EPB41L4B: variants seen among roughly 807,000 people sequenced by gnomAD.
EPB41L4B encodes erythrocyte membrane protein band 4.1 like 4B, also known as band 4.1-like protein 4B.
Under a neutral mutation model 112.5 loss-of-function variants are expected in EPB41L4B, and 30 were observed. The observed-to-expected ratio is 0.27, with a 90% CI of 0.20 to 0.36. EPB41L4B has a LOEUF of 0.36. Ranked by LOEUF, EPB41L4B falls within the 10% of genes least tolerant of loss-of-function variation. EPB41L4B has a pLI of 1.00. For synonymous variants in EPB41L4B, 408 were observed against 439.7 expected (o/e 0.93, Z 0.90); for missense variants, 1,024 against 1,133.3 (o/e 0.90, Z 1.38).
intron 18 of EPB41L4B, among the ~76,000 whole-genome samples, chr9:109,206,502 T>C (rs984660174): frequency 1.3e-5 from 2 of 152,198 alleles, no homozygotes; most frequent in African/African-American, 4.8e-5. Context: ...TAGTTATATA[T>C]TTTTCTAATG....
At chr9:109,193,814 G>T (rs147326803) in intron 21 of EPB41L4B, among the ~76,000 whole-genome samples, 1 of 152,212 alleles carries the variant, frequency 6.6e-6, no homozygotes, top group South Asian at 2.1e-4. Context: ...TACTAACACC[G>T]GCTATATGAC....
intron 2 of EPB41L4B, among the ~76,000 whole-genome samples, chr9:109,277,811 G>A (rs1290092370): frequency 6.6e-6 from 1 of 152,162 alleles, no homozygotes; most frequent in African/African-American, 2.4e-5. Context: ...GACCGCTGTG[G>A]GCCAAGCCCA....
intron 15 of EPB41L4B, among the ~76,000 whole-genome samples, chr9:109,234,957 C>G (rs976783295): frequency 2.6e-5 from 4 of 152,230 alleles, no homozygotes; most frequent in Non-Finnish European, 5.9e-5. Flanking sequence ...TTAAAATCTT[C>G]CTCCAATTCG....
chr9:109,248,298 C>T (rs574294926), intron 13 of EPB41L4B, among the ~76,000 whole-genome samples: 1 of 152,342 alleles, frequency 6.6e-6, no homozygotes, highest in East Asian at 1.9e-4. Flanking sequence ...TGTCAATAAT[C>T]TGGCCACCAC....
rs540963103 is a variant in EPB41L4B at position 109,220,728 on chromosome 9, C to T, written c.1410-3583G>A. ...GCCTCCTGGAGACTTTGCTCAAGGA[C>T]GGTTCTGTGTGTGTGCGTGTGTGCA... On this transcript the variant is annotated intron_variant, in intron 15 of 25. Transcript: ENST00000374566. Among the ~76,000 whole-genome samples the T allele has an allele frequency of 5.3e-5, 8 of 152,108 alleles. No individual in the cohort carries two copies. In the South Asian group the frequency reaches 8.3e-4, roughly 16 times the overall value.
At chr9:109,181,985 G>A (rs1452731815) in intron 24 of EPB41L4B, among the ~76,000 whole-genome samples, 2 of 152,190 alleles carry the variant, frequency 1.3e-5, no homozygotes, top group Non-Finnish European at 2.9e-5. Flanking sequence ...GAGGCAGGTG[G>A]ATCACCTGAG....
chr9:109,291,854 T>C (rs1307501132), intron 1 of EPB41L4B, among the ~76,000 whole-genome samples: 1 of 152,162 alleles, frequency 6.6e-6, no homozygotes, highest in Non-Finnish European at 1.5e-5. Flanking sequence ...CACAGAACCA[T>C]AGTCGCACTG....
chr9:109,217,733 G>C (rs1023034621), intron 15 of EPB41L4B, among the ~76,000 whole-genome samples: 1 of 152,076 alleles, frequency 6.6e-6, no homozygotes. Flanking sequence ...CACCATGCCT[G>C]GCTAATTTTT....
chr9:109,299,198 T>G (rs1013056528), intron 1 of EPB41L4B, among the ~76,000 whole-genome samples: 3 of 152,222 alleles, frequency 2.0e-5, no homozygotes, highest in Non-Finnish European at 4.4e-5. Flanking sequence ...TTTCAAGGAA[T>G]TATACAAATG....
At chr9:109,237,658 G>A (rs1185895828) in intron 15 of EPB41L4B, among the ~76,000 whole-genome samples, 3 of 152,114 alleles carry the variant, frequency 2.0e-5, no homozygotes, top group African/African-American at 4.8e-5. Context: ...TGTGGAGAGG[G>A]TTACTAGACC....
At chr9:109,267,573 G>A (rs768099827) in intron 3 of EPB41L4B, 22 bp from the exon 4 acceptor site, 16 of 1,498,650 alleles carry the variant, frequency 1.1e-5, no homozygotes, top group Non-Finnish European at 1.4e-5. Context: ...GAGATGGAAG[G>A]TTGAAGATGT....
chr9:109,203,530 C>G (rs1832901684), intron 19 of EPB41L4B, 133 bp downstream of exon 19: 1 of 702,064 alleles, frequency 1.4e-6, no homozygotes, highest in Non-Finnish European at 2.3e-6. Context: ...CTTTTTCCAT[C>G]TCTTTGGGCT....
intron 1 of EPB41L4B, among the ~76,000 whole-genome samples, chr9:109,318,569 G>C (rs1424658269): frequency 6.6e-6 from 1 of 152,076 alleles, no homozygotes; most frequent in Non-Finnish European, 1.5e-5. Context: ...TCCCAGATCC[G>C]AGATGCAAAC....
At chr9:109,214,963 G>T (rs943240109) in intron 16 of EPB41L4B, among the ~76,000 whole-genome samples, 50 of 152,142 alleles carry the variant, frequency 3.3e-4, no homozygotes, top group African/African-American at 9.9e-4. Flanking sequence ...CAAAGATGAG[G>T]CAGGGACTAG....
chr9:109,208,735 T>C (rs1467895022), intron 17 of EPB41L4B, among the ~76,000 whole-genome samples: 1 of 152,222 alleles, frequency 6.6e-6, no homozygotes, highest in African/African-American at 2.4e-5. Context: ...ATAATAAACA[T>C]GATGATATTT....
chr9:109,268,700 C>A (rs1220917900), intron 2 of EPB41L4B, among the ~76,000 whole-genome samples: 1 of 151,960 alleles, frequency 6.6e-6, no homozygotes, highest in Non-Finnish European at 1.5e-5. Context: ...AGATCGAGAC[C>A]ATCCTGGCTA....
chr9:109,179,389 T>C (rs1831970086), intron 24 of EPB41L4B, among the ~76,000 whole-genome samples: 1 of 152,156 alleles, frequency 6.6e-6, no homozygotes, highest in Non-Finnish European at 1.5e-5. Flanking sequence ...AGTTCAAGTG[T>C]CATGATCTTG....
chr9:109,200,179 C>A, intron 20 of EPB41L4B, 57 bp downstream of exon 20: 1 of 1,427,196 alleles, frequency 7.0e-7, no homozygotes, highest in Admixed American at 1.7e-5. Context: ...GCATTTGTAT[C>A]TAAACAATTA....
intron 1 of EPB41L4B, among the ~76,000 whole-genome samples, chr9:109,286,199 G>A (rs904209863): frequency 3.3e-5 from 5 of 151,606 alleles, no homozygotes; most frequent in Admixed American, 1.3e-4. Context: ...ATGGGTGGAT[G>A]GATGGATGGA....
Sources: allele counts gnomAD v4.1 joint callset (sites outside exome capture counted in the v4.1 genomes callset), GRCh38; gene constraint gnomAD v4.1.1; transcripts MANE v1.5; gene names NCBI Gene and HGNC (gene_info 2026-07-23, HGNC 2026-07-21).